The following CCDC150 variants were observed in gnomAD, a reference collection of about 807,000 sequenced individuals.
The protein encoded by CCDC150 is coiled-coil domain containing 150.
CCDC150 carries 151 observed loss-of-function variants against 156.5 expected under a neutral mutation model. The observed-to-expected ratio is 0.97, with a 90% CI of 0.85 to 1.10. The LOEUF (loss-of-function observed/expected upper bound fraction) is 1.10, where lower values mean the gene tolerates loss of function less well. CCDC150 is among the 50% of genes least tolerant of loss of function. The pLI is 0.00. For missense variants in CCDC150, 1,312 were observed against 1,268.1 expected, an observed-to-expected ratio of 1.03 and a Z score of -0.53; for synonymous variants, 452 against 429.4, an observed-to-expected ratio of 1.05 and a Z score of -0.65.
At chr2:196,665,842 A>G (rs1693812804) in intron 6 of CCDC150, among the ~76,000 whole-genome samples, 159 bp downstream of exon 6, 1 of 152,122 alleles carries the variant, frequency 6.6e-6, no homozygotes, top group Non-Finnish European at 1.5e-5. Flanking sequence ...AGTTTTTTTT[A>G]AGTTAGTGCA....
chr2:196,724,836 A>C (rs1408820007), intron 21 of CCDC150, among the ~76,000 whole-genome samples: 1 of 152,174 alleles, frequency 6.6e-6, no homozygotes, highest in Non-Finnish European at 1.5e-5. Context: ...AGGTGTGGGC[A>C]TGGGGAGGAG....
rs183860842 is a variant in CCDC150, at chr2:196,672,263, C to T, written c.937-82C>T. 2,078 of 576,354 alleles carry T rather than the reference C, an allele frequency of 3.6e-3. 6 individuals are homozygous for T. The highest frequency in any genetic ancestry group is 4.8e-3 in the South Asian group (95 of 19,648). The allele number at this position is 576,354 out of a possible 1,614,324, so 35.7% of individuals were successfully genotyped here. On this transcript the variant is annotated intron_variant, in intron 8 of 27. Transcript: ENST00000389175. Reference sequence around the variant, plus strand: ...CATTGGAACTTGAACTTGTACTGGCCGAAATACAAAACAGTTATTTTTATA... The same window carrying T: ...CATTGGAACTTGAACTTGTACTGGCTGAAATACAAAACAGTTATTTTTATA...
chr2:196,685,407 C>A (rs752441434), intron 13 of CCDC150, among the ~76,000 whole-genome samples: 1 of 152,118 alleles, frequency 6.6e-6, no homozygotes, highest in East Asian at 1.9e-4. Flanking sequence ...CAAACCCCAT[C>A]AAAAATGGGG....
At chr2:196,706,773 G>A (rs1183246167) in intron 15 of CCDC150, among the ~76,000 whole-genome samples, 3 of 151,060 alleles carry the variant, frequency 2.0e-5, no homozygotes, top group South Asian at 2.1e-4. Flanking sequence ...TGAGATAATC[G>A]TGGTTTTTTC....
At chr2:196,691,235 G>A (rs1559246629) in intron 13 of CCDC150, among the ~76,000 whole-genome samples, 1 of 152,186 alleles carries the variant, frequency 6.6e-6, no homozygotes, top group East Asian at 1.9e-4. Context: ...ATAAGTTACA[G>A]AGTAGTCACT....
intron 5 of CCDC150, among the ~76,000 whole-genome samples, chr2:196,659,987 A>T (rs528648409): frequency 1.3e-5 from 2 of 151,886 alleles, no homozygotes; most frequent in Non-Finnish European, 2.9e-5. Flanking sequence ...ATCCTTCCTC[A>T]TGTCTTCCCC....
intron 10 of CCDC150, among the ~76,000 whole-genome samples, chr2:196,675,526 T>C (rs1694442820): frequency 6.6e-6 from 1 of 152,194 alleles, no homozygotes; most frequent in Non-Finnish European, 1.5e-5. Flanking sequence ...AAAAACTTTA[T>C]GGATTATGTG....
intron 13 of CCDC150, among the ~76,000 whole-genome samples, chr2:196,691,716 G>A (rs1452793138): frequency 2.0e-5 from 3 of 152,144 alleles, no homozygotes; most frequent in East Asian, 1.9e-4. Flanking sequence ...GCCGAGGCAG[G>A]TGGATCACGA....
chr2:196,685,816 T>A (rs889809939), intron 13 of CCDC150, among the ~76,000 whole-genome samples: 13 of 152,130 alleles, frequency 8.5e-5, no homozygotes, highest in African/African-American at 3.1e-4. Context: ...GGTTTCACCT[T>A]GTTATCCAGG....
At chr2:196,642,002 C>T (rs1430817584) in intron 1 of CCDC150, among the ~76,000 whole-genome samples, 1 of 152,152 alleles carries the variant, frequency 6.6e-6, no homozygotes, top group Non-Finnish European at 1.5e-5. Flanking sequence ...ATAAGGTTAC[C>T]TGCCTAGAAG....
At chr2:196,683,758 G>A (rs1325033312) in intron 13 of CCDC150, among the ~76,000 whole-genome samples, 1 of 151,840 alleles carries the variant, frequency 6.6e-6, no homozygotes, top group East Asian at 1.9e-4. Flanking sequence ...TTCTTTCTAG[G>A]AATTTGTCCA....
intron 1 of CCDC150, among the ~76,000 whole-genome samples, chr2:196,641,161 G>T (rs1692204140): frequency 1.8e-5 from 1 of 55,464 alleles, no homozygotes; most frequent in South Asian, 7.9e-4. Context: ...TGTATTTTTA[G>T]TGAGACGGGG....
chr2:196,643,937 G>T (rs896084180), intron 1 of CCDC150, among the ~76,000 whole-genome samples: 2 of 152,202 alleles, frequency 1.3e-5, no homozygotes, highest in African/African-American at 4.8e-5. Flanking sequence ...TTTTGCCCAA[G>T]TGTCAACATA....
Position 196,656,816 on chromosome 2 carries a change from G to T in CCDC150, c.360G>T (p.Arg120=), listed in dbSNP as rs755025333. 1 of 1,613,892 alleles carries T rather than the reference G, an allele frequency of 6.2e-7. No homozygotes were observed. The change falls in exon 3 of 28, where the codon CGG becomes CGT. Residue 120 remains arginine, a synonymous_variant. Transcript: ENST00000389175. ...LMQSLKMNIF[R]LQTEKDLNPQ... ...AGTCCTTGAAGATGAACATCTTTCGGCTGCAAACTGAAAAGGATTTGAATC... is the reference window on the plus strand; with the variant it reads ...AGTCCTTGAAGATGAACATCTTTCGTCTGCAAACTGAAAAGGATTTGAATC...
intron 2 of CCDC150, 50 bp from the exon 3 acceptor site, chr2:196,656,583 A>C: frequency 7.8e-7 from 1 of 1,280,984 alleles, no homozygotes; most frequent in Non-Finnish European, 1.1e-6. Flanking sequence ...TGGGATTACC[A>C]TAGTAGAAAT....
At chr2:196,731,765 C>T in intron 26 of CCDC150, among the ~76,000 whole-genome samples, 1 of 151,980 alleles carries the variant, frequency 6.6e-6, no homozygotes, top group East Asian at 1.9e-4. Context: ...TCTTAATTTT[C>T]TCCTGGGTCC....
intron 26 of CCDC150, among the ~76,000 whole-genome samples, chr2:196,731,478 C>T (rs1366167510): frequency 6.6e-6 from 1 of 151,168 alleles, no homozygotes; most frequent in East Asian, 1.9e-4. Flanking sequence ...GCAATCTCCG[C>T]CTCCCAGGCT....
At chr2:196,687,284 A>AT (rs1479410121) in intron 13 of CCDC150, among the ~76,000 whole-genome samples, 1 of 151,906 alleles carries the variant, frequency 6.6e-6, no homozygotes, top group East Asian at 1.9e-4. Flanking sequence ...TTATTATTTG[A>AT]TTTTTTGACT....
chr2:196,687,491 C>A (rs993327142), intron 13 of CCDC150, among the ~76,000 whole-genome samples: 2 of 152,032 alleles, frequency 1.3e-5, no homozygotes, highest in African/African-American at 4.8e-5. Flanking sequence ...ATTTAAGTTC[C>A]TTATAGATGC....
Sources: allele counts gnomAD v4.1 joint callset (sites outside exome capture counted in the v4.1 genomes callset), GRCh38; gene constraint gnomAD v4.1.1; transcripts MANE v1.5; gene names NCBI Gene and HGNC (gene_info 2026-07-23, HGNC 2026-07-21).